GPC3: variants seen among roughly 807,000 people sequenced by gnomAD.
GPC3 encodes the protein glypican 3.
GPC3 carries 3 observed loss-of-function variants against 34.4 expected under a neutral mutation model. The observed-to-expected ratio is 0.09, with a 90% confidence interval of 0.04 to 0.23. The LOEUF (loss-of-function observed/expected upper bound fraction) is 0.23, where lower values mean the gene tolerates loss of function less well. Ranked by LOEUF, GPC3 falls within the 10% of genes least tolerant of loss-of-function variation. The probability of loss-of-function intolerance (pLI) is 1.00; values close to 1 mark genes in which losing one functional copy is unlikely to be tolerated. For missense variants in GPC3, 351 were observed against 445.6 expected (o/e 0.79, Z 1.91); for synonymous variants, 177 against 174.0 (o/e 1.02, Z -0.13).
chrX:133,801,106 G>A (rs934544378), intron 2 of GPC3, among the ~76,000 whole-genome samples: 2 of 111,682 alleles, frequency 1.8e-5, no homozygotes, highest in African/African-American at 6.5e-5. Flanking sequence ...AAGTTAGTAG[G>A]AAACACAGGA....
chrX:133,735,237 A>G (rs1160902397), intron 3 of GPC3, among the ~76,000 whole-genome samples: 3 of 111,957 alleles, frequency 2.7e-5, no homozygotes, highest in African/African-American at 9.7e-5. Flanking sequence ...TCAAAGCAGC[A>G]TGGCACTGGC....
intron 2 of GPC3, among the ~76,000 whole-genome samples, chrX:133,766,228 T>C (rs1223886833): frequency 8.9e-6 from 1 of 112,113 alleles, no homozygotes; most frequent in Non-Finnish European, 1.9e-5. Context: ...TTAAAGACCA[T>C]TTTTGAGGCA....
At chrX:133,868,884 GTATC>G (rs372088371) in intron 2 of GPC3, among the ~76,000 whole-genome samples, 26 of 111,746 alleles carry the variant, frequency 2.3e-4, no homozygotes, top group African/African-American at 7.2e-4. Context: ...CTCCCCATCT[GTATC>G]TACTTAAGCC....
intron 2 of GPC3, among the ~76,000 whole-genome samples, chrX:133,808,658 G>A (rs2075648314): frequency 9.0e-6 from 1 of 110,783 alleles, no homozygotes; most frequent in African/African-American, 3.3e-5. Context: ...TACTAGCTGT[G>A]AGACTATGAG....
At chrX:133,701,493 T>C (rs1351189252) in intron 3 of GPC3, among the ~76,000 whole-genome samples, 1 of 111,908 alleles carries the variant, frequency 8.9e-6, no homozygotes, top group Non-Finnish European at 1.9e-5. Flanking sequence ...TGTAGAAAAA[T>C]ATAAAGAACT....
chrX:133,829,104 G>A (rs998949269), intron 2 of GPC3, among the ~76,000 whole-genome samples: 2 of 111,541 alleles, frequency 1.8e-5, no homozygotes, highest in Non-Finnish European at 3.8e-5. Flanking sequence ...TAGATTCAAA[G>A]ACACAAATAG....
At chrX:133,929,809 G>C (rs1295585278) in intron 2 of GPC3, among the ~76,000 whole-genome samples, 3 of 112,008 alleles carry the variant, frequency 2.7e-5, no homozygotes, top group Non-Finnish European at 5.6e-5. Flanking sequence ...AAGTAAAAGT[G>C]CTGATTCACA....
intron 6 of GPC3, among the ~76,000 whole-genome samples, chrX:133,620,860 G>A (rs137891631): frequency 0.012 from 1,325 of 111,341 alleles, 23 homozygotes; most frequent in African/African-American, 0.041. Flanking sequence ...CTATGACCTG[G>A]AAGCCTACAT....
chrX:133,565,576 T>G (rs1158366208), intron 7 of GPC3, among the ~76,000 whole-genome samples: 1 of 112,064 alleles, frequency 8.9e-6, no homozygotes, highest in African/African-American at 3.2e-5. Context: ...TTCTTTTCAT[T>G]CCTCGTGCCT....
chrX:133,851,748 G>A (rs1282752929), intron 2 of GPC3, among the ~76,000 whole-genome samples: 1 of 111,981 alleles, frequency 8.9e-6, no homozygotes, highest in African/African-American at 3.2e-5. Flanking sequence ...TATCTCTGCA[G>A]GCTGGCGCGA....
At chrX:133,970,852 T>C (rs1426865081) in intron 1 of GPC3, among the ~76,000 whole-genome samples, 2 of 111,284 alleles carry the variant, frequency 1.8e-5, no homozygotes, top group Non-Finnish European at 3.8e-5. Context: ...GAAGAGATAA[T>C]AGATACAGGA....
At position 133,934,393 on chromosome X, in the gene GPC3, T is replaced by C. The variant is rs952594306; in HGVS notation, c.337+18657A>G. Among the ~76,000 whole-genome samples, 14 of 109,116 alleles carry C rather than the reference T, an allele frequency of 1.3e-4. No individual in the cohort carries two copies. The East Asian group carries it at 2.0e-3, about 16-fold the overall frequency. 94.8% of individuals were successfully genotyped at this position (109,116 alleles called of 115,157 possible). ...TATTTTTAGTAGAGATGGGGTTTCA[T>C]CATGCTGGTCAGGCTGGTCTCAAAC... On this transcript the variant is annotated intron_variant, in intron 2 of 7. Coordinates refer to ENST00000370818, the MANE Select transcript of GPC3 (RefSeq NM_004484.4).
intron 1 of GPC3, among the ~76,000 whole-genome samples, chrX:133,983,509 A>AGT (rs773463130): frequency 9.0e-6 from 1 of 111,228 alleles, no homozygotes; most frequent in Admixed American, 9.5e-5. Context: ...TGCCTGCAGG[A>AGT]GTGTGTGTGT....
At chrX:133,860,637 A>G (rs2267512) in intron 2 of GPC3, among the ~76,000 whole-genome samples, 23,414 of 111,166 alleles carry the variant, frequency 0.21, 2,229 homozygotes, top group African/African-American at 0.33. Context: ...TGAACTGATT[A>G]CTCTAGAGCT....
rs1392384286 is a variant in GPC3 at position 133,628,377 on chromosome X, C to T, written c.1414-31778G>A. 5.4e-5 allele frequency among the ~76,000 whole-genome samples: 6 copies of T among 112,128 alleles called. No individual in the cohort carries two copies. In the East Asian group the frequency reaches 1.1e-3, roughly 21 times the overall value. ...CTGCTTAATGACATGTGGCCTTGGCCGGGAGTGGTGGCTCACACCTGTAAT... is the reference window on the plus strand; with the variant it reads ...CTGCTTAATGACATGTGGCCTTGGCTGGGAGTGGTGGCTCACACCTGTAAT... On this transcript the variant is annotated intron_variant, in intron 6 of 7. Coordinates refer to ENST00000370818, the MANE Select transcript of GPC3 (RefSeq NM_004484.4).
At chrX:133,835,652 A>C (rs2075796216) in intron 2 of GPC3, among the ~76,000 whole-genome samples, 1 of 112,273 alleles carries the variant, frequency 8.9e-6, no homozygotes, top group Non-Finnish European at 1.9e-5. Context: ...TATTTTGATA[A>C]GTAAAAGGGG....
rs751153204 is a variant in GPC3 at position 133,930,792 on chromosome X, C to T, written c.337+22258G>A. On this transcript the variant is annotated intron_variant, in intron 2 of 7. Coordinates refer to ENST00000370818, the MANE Select transcript of GPC3 (RefSeq NM_004484.4). ...CTGGGACTACAGGCGCGTGTCACCA[C>T]GCCTGGCTAATTTTTGTGTATTTTT... Among the ~76,000 whole-genome samples, 5 of 111,586 alleles carry T rather than the reference C, an allele frequency of 4.5e-5. No individual in the cohort carries two copies. In the East Asian group the frequency reaches 8.5e-4, roughly 19 times the overall value.
intron 6 of GPC3, among the ~76,000 whole-genome samples, chrX:133,613,050 T>C (rs755340210): frequency 1.4e-4 from 16 of 111,451 alleles, no homozygotes; most frequent in Non-Finnish European, 2.1e-4. Flanking sequence ...CTTCAAACTT[T>C]AACTCAAATT....
At chrX:133,742,225 C>A (rs1247481002) in intron 3 of GPC3, among the ~76,000 whole-genome samples, 2 of 111,645 alleles carry the variant, frequency 1.8e-5, no homozygotes, top group Non-Finnish European at 3.8e-5. Context: ...AAGGGATGGG[C>A]TTAGTGTAGG....
Sources: allele counts gnomAD v4.1 joint callset (sites outside exome capture counted in the v4.1 genomes callset), GRCh38; gene constraint gnomAD v4.1.1; transcripts MANE v1.5; gene names NCBI Gene and HGNC (gene_info 2026-07-23, HGNC 2026-07-21).